SH2D4B: variants seen among roughly 807,000 people sequenced by gnomAD.
SH2D4B encodes SH2 domain containing 4B, also known as SH2 domain-containing protein 4B.
Under a neutral mutation model 61.5 loss-of-function variants are expected in SH2D4B, and 45 were observed. The ratio of observed to expected loss-of-function variants is 0.73; its 90% CI spans 0.58 to 0.94. The LOEUF (loss-of-function observed/expected upper bound fraction) is 0.94. Among genes scored for constraint, SH2D4B ranks in the 40% least tolerant of loss-of-function variants. SH2D4B has a pLI of 0.00. For missense variants in SH2D4B, 572 were observed against 574.2 expected, an observed-to-expected ratio of 1.00 and a Z score of 0.04; for synonymous variants, 224 against 220.4, an observed-to-expected ratio of 1.02 and a Z score of -0.14.
At chr10:80,620,279 T>C (rs1842704566) in intron 6 of SH2D4B, among the ~76,000 whole-genome samples, 4 of 152,176 alleles carry the variant, frequency 2.6e-5, no homozygotes, top group Admixed American at 2.6e-4. Context: ...GAGATCTGGT[T>C]GTTTAAAAGT....
chr10:80,588,902 C>T (rs7900413), intron 4 of SH2D4B, 125 bp downstream of exon 4: 1 of 1,179,146 alleles, frequency 8.5e-7, no homozygotes, highest in Middle Eastern at 2.8e-4. Context: ...TTACTTGGAC[C>T]CGGCCATGTG....
intron 1 of SH2D4B, among the ~76,000 whole-genome samples, chr10:80,557,509 T>C (rs1372760751): frequency 6.6e-6 from 1 of 152,160 alleles, no homozygotes; most frequent in African/African-American, 2.4e-5. Flanking sequence ...TGTGGGCAGA[T>C]TTTAACATAT....
intron 4 of SH2D4B, among the ~76,000 whole-genome samples, chr10:80,597,385 G>T (rs1242558643): frequency 6.6e-6 from 1 of 152,216 alleles, no homozygotes; most frequent in Non-Finnish European, 1.5e-5. Flanking sequence ...ACATGGGGAG[G>T]CCAGGCACAA....
chr10:80,572,495 T>G (rs1202016293), intron 3 of SH2D4B, among the ~76,000 whole-genome samples: 1 of 152,146 alleles, frequency 6.6e-6, no homozygotes, highest in East Asian at 1.9e-4. Context: ...CAGAGAGTCT[T>G]GCAGTTGTCA....
intron 4 of SH2D4B, among the ~76,000 whole-genome samples, chr10:80,590,115 G>A: frequency 6.6e-6 from 1 of 152,216 alleles, no homozygotes; most frequent in South Asian, 2.1e-4. Context: ...AGGAGGCAGA[G>A]GGAGTGGGGG....
chr10:80,637,420 G>A (rs575789438), intron 7 of SH2D4B, among the ~76,000 whole-genome samples: 1 of 152,286 alleles, frequency 6.6e-6, no homozygotes, highest in African/African-American at 2.4e-5. Context: ...CTATCCATGA[G>A]CATGGAATGT....
chr10:80,549,494 T>G (rs1156542193), intron 1 of SH2D4B, among the ~76,000 whole-genome samples: 3 of 150,934 alleles, frequency 2.0e-5, no homozygotes. Context: ...GGGTGTAGTC[T>G]CAGCATCTCC....
intron 5 of SH2D4B, among the ~76,000 whole-genome samples, chr10:80,604,936 G>T (rs564839161): frequency 9.6e-4 from 146 of 152,236 alleles, no homozygotes; most frequent in African/African-American, 3.2e-3. Flanking sequence ...TGGGACTATA[G>T]GTGCCCGCCA....
intron 1 of SH2D4B, among the ~76,000 whole-genome samples, chr10:80,545,929 A>G (rs1406219035): frequency 2.0e-5 from 3 of 152,198 alleles, no homozygotes; most frequent in Non-Finnish European, 2.9e-5. Context: ...TAATATATGT[A>G]TAAGCAATGA....
chr10:80,639,230 T>C (rs1433469769), intron 7 of SH2D4B, among the ~76,000 whole-genome samples: 1 of 152,242 alleles, frequency 6.6e-6, no homozygotes, highest in Non-Finnish European at 1.5e-5. Flanking sequence ...TTGGAATAAG[T>C]GCAATGTGGT....
In SH2D4B at chr10:80,539,329, G is replaced by A. The variant is rs1046282402; in HGVS notation, c.184+814G>A. 2.6e-5 allele frequency among the ~76,000 whole-genome samples: 4 copies of A among 152,216 alleles called. No individual in the cohort carries two copies. The highest frequency in any genetic ancestry group is 5.9e-5 in the Non-Finnish European group (4 of 68,036). Reference sequence around the variant, plus strand: ...GCTGCATGCACTTTACAGTTTGCAAGGCTTATGTGCCTTCACCCTTTGAAG... The same window carrying A: ...GCTGCATGCACTTTACAGTTTGCAAAGCTTATGTGCCTTCACCCTTTGAAG... On this transcript the variant is annotated intron_variant, in intron 1 of 7. Coordinates refer to ENST00000646907, the MANE Select transcript of SH2D4B (RefSeq NM_001388272.1). This position sits in a 1 kb window ranked among gnomAD's most constrained non-coding sequence, Gnocchi z 4.9.
chr10:80,567,871 C>T (rs1163532068), intron 1 of SH2D4B, among the ~76,000 whole-genome samples: 1 of 152,182 alleles, frequency 6.6e-6, no homozygotes, highest in Non-Finnish European at 1.5e-5. Flanking sequence ...GCCCAAGGGC[C>T]ATTTAAGTCA....
rs978039492 is a variant in SH2D4B at position 80,573,129 on chromosome 10, C to G, written c.495+1551C>G. Among the ~76,000 whole-genome samples the G allele has an allele frequency of 8.4e-5, 12 of 143,532 alleles. No individual in the cohort carries two copies. In the South Asian group the frequency reaches 9.0e-4, roughly 11 times the overall value. The allele number at this position is 143,532 out of a possible 152,430, so 94.2% of individuals were successfully genotyped here. A position where few individuals can be genotyped will look rare whatever the true frequency, so the allele number is the denominator to read the frequency against. ...CCTCCTGAGTAGCTGGGACTACAGG[C>G]GCCCGCCACCGCGCCCGGCTAATTT... On this transcript the variant is annotated intron_variant, in intron 3 of 7. Coordinates refer to ENST00000646907, the MANE Select transcript of SH2D4B (RefSeq NM_001388272.1).
At chr10:80,616,434 G>A (rs1205216679) in intron 6 of SH2D4B, among the ~76,000 whole-genome samples, 1 of 152,150 alleles carries the variant, frequency 6.6e-6, no homozygotes, top group Admixed American at 6.5e-5. Context: ...TTTCAGGTGT[G>A]CACTGGCTAT....
intron 6 of SH2D4B, among the ~76,000 whole-genome samples, chr10:80,615,078 T>A (rs543511918): frequency 1.3e-5 from 2 of 152,192 alleles, no homozygotes; most frequent in African/African-American, 4.8e-5. Flanking sequence ...GGGAATGGAG[T>A]TGGGGCTTGG....
chr10:80,571,464 C>T lies in SH2D4B; in HGVS notation c.381C>T (p.Phe127=). The stretch of plus-strand genomic sequence containing the variant: ...AGGAGGCAGAGATCACCAAGAAGTT[C>T]CGGGATGCTCTGGCCAATGAGAAAG... ...RQKEAEITKK[F]RDALANEKAR... The change falls in exon 3 of 8, where the codon TTC becomes TTT. Residue 127 remains phenylalanine, a synonymous_variant. Coordinates refer to ENST00000646907, the MANE Select transcript of SH2D4B (RefSeq NM_001388272.1). 1.2e-6 allele frequency: 2 copies of T among 1,614,042 alleles called. No homozygotes were observed. The highest frequency in any genetic ancestry group is 4.5e-5 in the East Asian group (2 of 44,874).
chr10:80,603,611 A>G lies in SH2D4B; in HGVS notation c.676A>G (p.Ser226Gly), dbSNP rs756578892. Residue 226 changes from serine to glycine, a missense_variant, in exon 5 of 8, where the codon AGC (serine) becomes GGC (glycine). Physicochemically the swap from Ser to Gly is moderately conservative, Grantham distance 56. Transcript: ENST00000646907. ...GTCCAAGGCGGCTGATGAGGAGAGG[A>G]GCCGCCGAGCCCAGCGCGCCCGGGA... ...RRSKAADEER[S>G]RRAQRARDEY... 1 of 1,574,146 alleles carries G rather than the reference A, an allele frequency of 6.4e-7. No individual in the cohort carries two copies. Among genetic ancestry groups the G allele is most frequent in the African/African-American group, 1.3e-5 (1 of 74,416 alleles).
rs143886990 is a variant in SH2D4B at position 80,610,121 on chromosome 10, G to A, written c.988+570G>A. On this transcript the variant is annotated intron_variant, in intron 6 of 7. Coordinates refer to ENST00000646907, the MANE Select transcript of SH2D4B (RefSeq NM_001388272.1). ...CCATCTCAGACCTTTTGTGCTTGCCGTGGCTCTGCTCACATTTTCTGTCTT... is the reference window on the plus strand; with the variant it reads ...CCATCTCAGACCTTTTGTGCTTGCCATGGCTCTGCTCACATTTTCTGTCTT... 2.9e-3 allele frequency among the ~76,000 whole-genome samples: 440 copies of A among 152,154 alleles called. 3 individuals are homozygous for A. Among genetic ancestry groups the A allele is most frequent in the African/African-American group, 8.3e-3 (346 of 41,500 alleles).
intron 1 of SH2D4B, among the ~76,000 whole-genome samples, chr10:80,540,337 G>A (rs940507726): frequency 2.6e-5 from 4 of 152,132 alleles, no homozygotes; most frequent in African/African-American, 7.2e-5. Context: ...CCCAGGAGCC[G>A]GAAGAGCTTT....
Sources: allele counts gnomAD v4.1 joint callset (sites outside exome capture counted in the v4.1 genomes callset), GRCh38; gene constraint gnomAD v4.1.1; non-coding constraint Gnocchi (gnomAD v3.1); transcripts MANE v1.5; gene names NCBI Gene and HGNC (gene_info 2026-07-23, HGNC 2026-07-21).